ZNF385D: variants seen among roughly 807,000 people sequenced by gnomAD.
ZNF385D encodes zinc finger protein 385D, also known as zinc finger protein 659.
Under a neutral mutation model 35.8 loss-of-function variants are expected in ZNF385D, and 15 were observed. The ratio of observed to expected loss-of-function variants is 0.42; its 90% CI spans 0.28 to 0.64. The LOEUF is 0.64. ZNF385D is among the 30% of genes least tolerant of loss of function. The pLI, the probability that ZNF385D is intolerant of heterozygous loss-of-function variation, is 0.23. For missense variants in ZNF385D, 474 were observed against 494.6 expected (o/e 0.96, Z 0.39); for synonymous variants, 212 against 186.8 (o/e 1.13, Z -1.10).
At chr3:21,982,536 T>G (rs1694532684) in intron 3 of ZNF385D, among the ~76,000 whole-genome samples, 1 of 152,108 alleles carries the variant, frequency 6.6e-6, no homozygotes, top group African/African-American at 2.4e-5. Context: ...CAAACAGAAA[T>G]AGTTTGACTT....
intron 2 of ZNF385D, among the ~76,000 whole-genome samples, chr3:22,312,425 T>G (rs2125430150): frequency 6.6e-6 from 1 of 152,206 alleles, no homozygotes. Flanking sequence ...ACTAAAGAGC[T>G]TCTGCACAGC....
intron 3 of ZNF385D, among the ~76,000 whole-genome samples, chr3:21,838,000 A>G (rs1364825204): frequency 6.6e-6 from 1 of 152,082 alleles, no homozygotes; most frequent in African/African-American, 2.4e-5. Context: ...TACTTCTCTC[A>G]GGGTTTGTGG....
Position 22,062,006 on chromosome 3 carries a change from AT to A in ZNF385D, c.325+106810del, listed in dbSNP as rs1181162621. Among the ~76,000 whole-genome samples the A allele has an allele frequency of 7.9e-5, 12 of 152,288 alleles. 1 individual carries two copies. Among genetic ancestry groups the A allele is most frequent in the African/African-American group, 2.6e-4 (11 of 41,546 alleles). Reference sequence around the variant, plus strand: ...ACTGAATACATTAGTAAATAAAATAATTTTAAACATGGAAATGCTTATTGTT... The same window carrying A: ...ACTGAATACATTAGTAAATAAAATAATTTAAACATGGAAATGCTTATTGTT... On this transcript the variant is annotated intron_variant, in intron 3 of 5. Transcript: ENST00000494108.
intron 5 of ZNF385D, among the ~76,000 whole-genome samples, chr3:21,430,434 T>C (rs575766031): frequency 1.3e-5 from 2 of 152,262 alleles, no homozygotes; most frequent in Non-Finnish European, 2.9e-5. Context: ...GAAGTCATTA[T>C]GGGGTAGGAG....
intron 3 of ZNF385D, among the ~76,000 whole-genome samples, chr3:21,926,439 C>A (rs962254954): frequency 6.6e-6 from 1 of 152,130 alleles, no homozygotes. Context: ...CCAGCTTAAT[C>A]CATGTCCCTG....
intron 2 of ZNF385D, among the ~76,000 whole-genome samples, chr3:22,227,667 A>T (rs1020828545): frequency 6.6e-6 from 1 of 152,090 alleles, no homozygotes; most frequent in Non-Finnish European, 1.5e-5. Context: ...TCTCCGTAAG[A>T]CATGCCCACC....
intron 3 of ZNF385D, among the ~76,000 whole-genome samples, chr3:22,039,434 T>C (rs1263769025): frequency 6.6e-6 from 1 of 152,096 alleles, no homozygotes; most frequent in Non-Finnish European, 1.5e-5. Context: ...TAGCATGGCA[T>C]CCAGTGCCCT....
intron 2 of ZNF385D, among the ~76,000 whole-genome samples, chr3:22,213,524 C>T (rs1226012547): frequency 2.0e-5 from 3 of 151,972 alleles, no homozygotes; most frequent in African/African-American, 4.8e-5. Context: ...AGTTTATGTC[C>T]TATCACTACC....
At chr3:22,058,789 A>G (rs1036786734) in intron 3 of ZNF385D, among the ~76,000 whole-genome samples, 6 of 152,162 alleles carry the variant, frequency 3.9e-5, no homozygotes, top group African/African-American at 1.4e-4. Flanking sequence ...TTTAACCATA[A>G]TTTGTAATTT....
intron 3 of ZNF385D, among the ~76,000 whole-genome samples, chr3:21,909,275 T>G (rs1699844023): frequency 6.6e-6 from 1 of 152,074 alleles, no homozygotes; most frequent in Non-Finnish European, 1.5e-5. Context: ...CTGCACAAAA[T>G]ACAAGCTTCC....
intron 2 of ZNF385D, among the ~76,000 whole-genome samples, chr3:22,342,092 G>A (rs891980135): frequency 3.3e-5 from 5 of 151,802 alleles, no homozygotes; most frequent in Non-Finnish European, 1.5e-5. Flanking sequence ...TGGCTAACAC[G>A]GTGAAACCCC....
intron 3 of ZNF385D, among the ~76,000 whole-genome samples, chr3:21,796,669 A>G (rs935915766): frequency 6.6e-6 from 1 of 152,232 alleles, no homozygotes; most frequent in Non-Finnish European, 1.5e-5. Context: ...AAATCATGGA[A>G]GGTAACACAG....
intron 3 of ZNF385D, among the ~76,000 whole-genome samples, chr3:22,030,255 TCATATATATATATATATATATATATATA>T (rs1332950696): frequency 3.6e-5 from 1 of 27,916 alleles, no homozygotes; most frequent in African/African-American, 1.6e-4. Context: ...ATAAACTCAT[TCATATATATATATATATATATATATATA>T]TATATATATA....
intron 2 of ZNF385D, among the ~76,000 whole-genome samples, chr3:22,305,320 T>A (rs1010150535): frequency 7.9e-5 from 12 of 152,312 alleles, no homozygotes; most frequent in South Asian, 2.1e-4. Context: ...CTAGGTTTTT[T>A]AAAAAATTCT....
At position 22,058,538 on chromosome 3, in the gene ZNF385D, G is replaced by C. The variant is rs537513981; in HGVS notation, c.325+110279C>G. Among the ~76,000 whole-genome samples the C allele has an allele frequency of 1.0e-3, 154 of 152,300 alleles. 1 individual carries two copies. The highest frequency in any genetic ancestry group is 3.7e-3 in the African/African-American group (152 of 41,558). On this transcript the variant is annotated intron_variant, in intron 3 of 5. Transcript: ENST00000494108. ...CAACTCCTAACTGGTCAAAGGACAT[G>C]AGAGGCAGATGAGATCTTGGTAGAG...
intron 3 of ZNF385D, among the ~76,000 whole-genome samples, chr3:21,979,128 A>G (rs1694250912): frequency 6.6e-6 from 1 of 152,114 alleles, no homozygotes; most frequent in Admixed American, 6.6e-5. Flanking sequence ...TGACCAAATG[A>G]TACACAGTTA....
At chr3:22,017,456 T>C (rs931703472) in intron 3 of ZNF385D, among the ~76,000 whole-genome samples, 1 of 152,072 alleles carries the variant, frequency 6.6e-6, no homozygotes, top group African/African-American at 2.4e-5. Context: ...ATCAAAGCTC[T>C]ATTATTTTTT....
chr3:22,174,109 T>C (rs1192337398), intron 2 of ZNF385D, among the ~76,000 whole-genome samples: 1 of 152,086 alleles, frequency 6.6e-6, no homozygotes, highest in South Asian at 2.1e-4. Flanking sequence ...ATATTTGCTT[T>C]AGTGTTTTAA....
chr3:22,017,431 A>G (rs1696960895), intron 3 of ZNF385D, among the ~76,000 whole-genome samples: 1 of 151,962 alleles, frequency 6.6e-6, no homozygotes, highest in Admixed American at 6.6e-5. Context: ...TTTCAGCTGT[A>G]TCTCTTGTAA....
Sources: allele counts gnomAD v4.1 joint callset (sites outside exome capture counted in the v4.1 genomes callset), GRCh38; gene constraint gnomAD v4.1.1; transcripts MANE v1.5; gene names NCBI Gene and HGNC (gene_info 2026-07-23, HGNC 2026-07-21).